Variants in INSL6 observed in about 807,000 individuals in gnomAD.
INSL6 encodes the protein insulin like 6.
INSL6 carries 16 observed loss-of-function variants against 9.4 expected under a neutral mutation model. The observed-to-expected ratio is 1.70, with a 90% CI of 1.15 to 2.59. INSL6 has a LOEUF of 2.59. INSL6 is among the 30% of genes most tolerant of loss of function. The pLI, the probability that INSL6 is intolerant of heterozygous loss-of-function variation, is 0.00. For missense variants in INSL6, 391 were observed against 257.3 expected, an observed-to-expected ratio of 1.52 and a Z score of -3.56; for synonymous variants, 154 against 96.9, an observed-to-expected ratio of 1.59 and a Z score of -3.46.
intron 1 of INSL6, among the ~76,000 whole-genome samples, chr9:5,171,689 T>C (rs999816832): frequency 3.3e-5 from 5 of 152,096 alleles, no homozygotes; most frequent in South Asian, 4.2e-4. Flanking sequence ...CATTCCTGTA[T>C]ACCAAGAACA....
the INSL6 span, chr9:5,084,958 A>T: frequency 1.5e-6 from 1 of 680,562 alleles, no homozygotes; most frequent in Non-Finnish European, 2.6e-6. Context: ...TCTTAGGCAC[A>T]GTCTGAGATA....
the INSL6 span, among the ~76,000 whole-genome samples, chr9:5,080,000 A>T: frequency 6.5e-3 from 993 of 152,252 alleles, 6 homozygotes; most frequent in African/African-American, 0.022. Flanking sequence ...ACTCAATCAT[A>T]TGTCTCCATG....
chr9:5,009,125 C>T, the INSL6 span, among the ~76,000 whole-genome samples: 1 of 152,150 alleles, frequency 6.6e-6, no homozygotes, highest in African/African-American at 2.4e-5. Flanking sequence ...ATAACAGCAA[C>T]ACATAAGTTG....
chr9:5,160,176 C>CA (rs567544530), downstream of INSL6, among the ~76,000 whole-genome samples: 2,582 of 83,304 alleles, frequency 0.031, 77 homozygotes, highest in African/African-American at 0.083. Context: ...AACTCGGTCT[C>CA]AAAAAAAAAA....
chr9:5,030,050 A>G, the INSL6 span: 3 of 654,232 alleles, frequency 4.6e-6, no homozygotes, highest in Middle Eastern at 4.1e-4. Flanking sequence ...TTAAGATTCT[A>G]TTCTGTTTCT....
At chr9:5,183,282 C>CAG (rs1335031622) in intron 1 of INSL6, among the ~76,000 whole-genome samples, 2 of 152,164 alleles carry the variant, frequency 1.3e-5, no homozygotes, top group Non-Finnish European at 2.9e-5. Context: ...CCTTCCTCTA[C>CAG]ATATTTCAAT....
downstream of INSL6, chr9:5,163,826 A>T (rs1277233446): frequency 3.3e-5 from 28 of 839,124 alleles, no homozygotes; most frequent in East Asian, 6.4e-4. Flanking sequence ...TTTTCACATC[A>T]TATCACTTAT....
At chr9:5,070,560 T>G in the INSL6 span, among the ~76,000 whole-genome samples, 2 of 152,116 alleles carry the variant, frequency 1.3e-5, no homozygotes, top group Non-Finnish European at 2.9e-5. Flanking sequence ...TTTCTTTTTT[T>G]AAATAACTAA....
the INSL6 span, chr9:5,055,770 G>A: frequency 1.9e-6 from 3 of 1,610,646 alleles, no homozygotes; most frequent in Non-Finnish European, 1.7e-6. Flanking sequence ...CTATCCATAA[G>A]CAAGATGGTA....
At chr9:5,173,431 A>G (rs1825227707) in intron 1 of INSL6, among the ~76,000 whole-genome samples, 1 of 152,246 alleles carries the variant, frequency 6.6e-6, no homozygotes, top group Non-Finnish European at 1.5e-5. Context: ...ATGTAGCCAT[A>G]AAAAGGAATG....
chr9:5,105,189 C>G, the INSL6 span, among the ~76,000 whole-genome samples: 1 of 152,194 alleles, frequency 6.6e-6, no homozygotes, highest in South Asian at 2.1e-4. Context: ...TCTCCTTAGG[C>G]TGGTAAGCAA....
At chr9:5,175,551 C>G (rs1347179813) in intron 1 of INSL6, among the ~76,000 whole-genome samples, 1 of 152,168 alleles carries the variant, frequency 6.6e-6, no homozygotes, top group Non-Finnish European at 1.5e-5. Flanking sequence ...CTTAACTGGT[C>G]TATGGCCTGT....
rs558390687 is a variant in INSL6, at chr9:5,175,733, G to A, written c.289+9581C>T. 2.5e-4 allele frequency among the ~76,000 whole-genome samples: 38 copies of A among 152,200 alleles called. 1 individual carries two copies. Among genetic ancestry groups the A allele is most frequent in the South Asian group, 6.2e-4 (3 of 4,814 alleles). On this transcript the variant is annotated intron_variant, in intron 1 of 1. Coordinates refer to ENST00000381641, the MANE Select transcript of INSL6 (RefSeq NM_007179.3). ...GAGTGTGAACCCTATTGTGAACTGC[G>A]CATGCCAGGGATCTAGGTTGCACGC...
chr9:5,011,363 A>T, the INSL6 span, among the ~76,000 whole-genome samples: 67 of 151,916 alleles, frequency 4.4e-4, no homozygotes, highest in Admixed American at 1.2e-3. Context: ...TTAAAAAAAA[A>T]TTTTTTTGTA....
chr9:5,029,872 G>C, the INSL6 span: 2 of 1,612,566 alleles, frequency 1.2e-6, no homozygotes, highest in South Asian at 2.2e-5. Flanking sequence ...CCATATAGAT[G>C]AGTCAACCAG....
chr9:5,145,353 T>C (rs1824581765), intron 2 of INSL6, among the ~76,000 whole-genome samples: 1 of 152,212 alleles, frequency 6.6e-6, no homozygotes, highest in Non-Finnish European at 1.5e-5. Context: ...CTTCCCTTTA[T>C]AGGTGACCTG....
the INSL6 span, among the ~76,000 whole-genome samples, chr9:5,043,449 A>G: frequency 2.0e-5 from 3 of 152,226 alleles, no homozygotes; most frequent in Non-Finnish European, 2.9e-5. Flanking sequence ...GACAAACAAT[A>G]ACAAGTGTTA....
chr9:5,107,775 T>C, the INSL6 span, among the ~76,000 whole-genome samples: 1 of 152,148 alleles, frequency 6.6e-6, no homozygotes, highest in African/African-American at 2.4e-5. Flanking sequence ...ATTACCCTTA[T>C]AACTTTAAAT....
the INSL6 span, chr9:5,085,100 G>A: frequency 1.5e-6 from 1 of 655,810 alleles, no homozygotes; most frequent in Admixed American, 1.8e-5. Context: ...CAGTACTGCT[G>A]GGCAAGGTAG....
Sources: allele counts gnomAD v4.1 joint callset (sites outside exome capture counted in the v4.1 genomes callset), GRCh38; gene constraint gnomAD v4.1.1; transcripts MANE v1.5; gene names NCBI Gene and HGNC (gene_info 2026-07-23, HGNC 2026-07-21).